Variants in ARHGAP26 observed in about 807,000 individuals in gnomAD.
The protein encoded by ARHGAP26 is rho GTPase-activating protein 26.
Under a neutral mutation model 104.8 loss-of-function variants are expected in ARHGAP26, and 38 were observed. The observed-to-expected ratio is 0.36, with a 90% CI of 0.28 to 0.48. The LOEUF is 0.48. ARHGAP26 is among the 20% of genes least tolerant of loss of function. ARHGAP26 has a pLI of 0.99. For synonymous variants in ARHGAP26, 341 were observed against 340.0 expected (o/e 1.00, Z -0.03); for missense variants, 704 against 947.9 (o/e 0.74, Z 3.38).
intron 10 of ARHGAP26, among the ~76,000 whole-genome samples, chr5:142,923,582 G>A (rs1408361621): frequency 4.6e-5 from 7 of 152,120 alleles, no homozygotes. Context: ...CTGATACCTA[G>A]CATGATGACT....
intron 1 of ARHGAP26, among the ~76,000 whole-genome samples, chr5:142,797,377 T>C (rs1461364646): frequency 6.6e-6 from 1 of 152,222 alleles, no homozygotes; most frequent in Non-Finnish European, 1.5e-5. Context: ...AGTAGTTTTG[T>C]TCATTTTTCA....
chr5:143,070,148 G>A (rs1023689778), intron 17 of ARHGAP26, among the ~76,000 whole-genome samples: 6 of 152,156 alleles, frequency 3.9e-5, no homozygotes, highest in Non-Finnish European at 8.8e-5. Context: ...CAGGCTAGGT[G>A]GTTAGTCAGG....
intron 17 of ARHGAP26, among the ~76,000 whole-genome samples, chr5:143,076,322 T>G (rs894045903): frequency 2.0e-5 from 3 of 152,260 alleles, no homozygotes; most frequent in Middle Eastern, 3.4e-3. Flanking sequence ...TGTCAGCCCC[T>G]GAAGTATACT....
At chr5:142,875,843 C>G (rs980338635) in intron 3 of ARHGAP26, among the ~76,000 whole-genome samples, 1 of 152,182 alleles carries the variant, frequency 6.6e-6, no homozygotes, top group Non-Finnish European at 1.5e-5. Context: ...TGGGCTCAAG[C>G]GATCCTCCTG....
At chr5:142,819,272 G>A (rs1286711114) in intron 1 of ARHGAP26, among the ~76,000 whole-genome samples, 1 of 150,598 alleles carries the variant, frequency 6.6e-6, no homozygotes, top group East Asian at 2.0e-4. Context: ...AAGAAAAGCA[G>A]ATTGGCCCCA....
chr5:143,168,482 A>G (rs1437501867), intron 20 of ARHGAP26: 1 of 49,840 alleles, frequency 2.0e-5, no homozygotes, highest in Non-Finnish European at 4.6e-5. Context: ...TTTTTGCTCA[A>G]ATTTTCTTCC....
rs60821175 is a variant in ARHGAP26 at position 142,882,040 on chromosome 5, G to A, written c.384+2595G>A. Among the ~76,000 whole-genome samples the A allele has an allele frequency of 6.0e-4, 91 of 152,282 alleles. 1 individual carries two copies. Among genetic ancestry groups the A allele is most frequent in the African/African-American group, 2.0e-3 (83 of 41,538 alleles). ...CATGGCCCTAAGTTTCTATTTCCAA[G>A]TTTGAGGAAATTATTTTTTCCTGTA... On this transcript the variant is annotated intron_variant, in intron 4 of 22. Transcript: ENST00000645722.
At chr5:142,977,515 C>T (rs2152719418) in intron 11 of ARHGAP26, among the ~76,000 whole-genome samples, 1 of 152,230 alleles carries the variant, frequency 6.6e-6, no homozygotes, top group East Asian at 1.9e-4. Context: ...GGTCCTGGGG[C>T]TGCCACAGGT....
chr5:143,192,834 T>C (rs999612985), intron 20 of ARHGAP26, among the ~76,000 whole-genome samples: 16 of 152,190 alleles, frequency 1.1e-4, no homozygotes, highest in Admixed American at 8.5e-4. Context: ...TCTTTTTTTT[T>C]CATGTTAACT....
At chr5:143,142,866 G>A (rs1798727301) in intron 19 of ARHGAP26, among the ~76,000 whole-genome samples, 1 of 152,154 alleles carries the variant, frequency 6.6e-6, no homozygotes, top group African/African-American at 2.4e-5. Flanking sequence ...TAACAAGTAG[G>A]AGAAAGTACA....
intron 8 of ARHGAP26, among the ~76,000 whole-genome samples, chr5:142,904,007 T>G (rs1276181099): frequency 6.6e-6 from 1 of 152,140 alleles, no homozygotes; most frequent in Non-Finnish European, 1.5e-5. Context: ...AGGTCTTACA[T>G]GCTAGGCCCC....
intron 11 of ARHGAP26, among the ~76,000 whole-genome samples, chr5:142,981,475 A>C (rs1340839076): frequency 1.3e-5 from 2 of 152,080 alleles, no homozygotes; most frequent in African/African-American, 2.4e-5. Flanking sequence ...CTGCCTCCCT[A>C]TATTCAGAAG....
intron 17 of ARHGAP26, among the ~76,000 whole-genome samples, chr5:143,089,218 T>A (rs996138583): frequency 8.5e-5 from 13 of 152,202 alleles, no homozygotes; most frequent in Admixed American, 6.5e-4. Context: ...AAGAAGCTTC[T>A]CTGGATAAGG....
At chr5:143,118,016 CTG>C (rs149475501) in intron 17 of ARHGAP26, among the ~76,000 whole-genome samples, 1 of 152,322 alleles carries the variant, frequency 6.6e-6, no homozygotes, top group Non-Finnish European at 1.5e-5. Context: ...GATGACAACA[CTG>C]TGTAATAAAT....
At chr5:142,955,137 G>GCA (rs1769039434) in intron 11 of ARHGAP26, among the ~76,000 whole-genome samples, 1 of 117,652 alleles carries the variant, frequency 8.5e-6, no homozygotes, top group African/African-American at 3.1e-5. Context: ...CCCCATCTCT[G>GCA]CACACACACA....
chr5:142,937,157 T>A (rs1765544165), intron 11 of ARHGAP26, among the ~76,000 whole-genome samples: 1 of 152,142 alleles, frequency 6.6e-6, no homozygotes, highest in African/African-American at 2.4e-5. Flanking sequence ...AGTTCTTTTT[T>A]AGATCTAGGA....
intron 10 of ARHGAP26, among the ~76,000 whole-genome samples, chr5:142,915,844 A>G (rs1159371530): frequency 6.6e-6 from 1 of 152,140 alleles, no homozygotes; most frequent in Non-Finnish European, 1.5e-5. Flanking sequence ...CGGGTAGAGA[A>G]GGAAAAGGCA....
intron 1 of ARHGAP26, chr5:142,866,883 GA>G (rs1754379181): frequency 6.6e-6 from 1 of 152,214 alleles, no homozygotes; most frequent in Admixed American, 6.5e-5. Flanking sequence ...GCTCCAGCCA[GA>G]TCTGAAAGAA....
chr5:143,214,827 G>A (rs1810080209), intron 22 of ARHGAP26, among the ~76,000 whole-genome samples: 1 of 152,224 alleles, frequency 6.6e-6, no homozygotes, highest in African/African-American at 2.4e-5. Flanking sequence ...GAGTGGGAGG[G>A]ATTACCCCAG....
Sources: allele counts gnomAD v4.1 joint callset (sites outside exome capture counted in the v4.1 genomes callset), GRCh38; gene constraint gnomAD v4.1.1; transcripts MANE v1.5; gene names NCBI Gene and HGNC (gene_info 2026-07-23, HGNC 2026-07-21).